The following RRAGC variants were observed in gnomAD, a reference collection of about 807,000 sequenced individuals.
RRAGC encodes ras-related GTP-binding protein C.
Under a neutral mutation model 37.1 loss-of-function variants are expected in RRAGC, and 8 were observed. The observed-to-expected ratio is 0.22, with a 90% CI of 0.13 to 0.39. The LOEUF (loss-of-function observed/expected upper bound fraction) is 0.39, where lower values mean the gene tolerates loss of function less well. Among genes scored for constraint, RRAGC ranks in the 10% least tolerant of loss-of-function variants. The pLI, the probability that RRAGC is intolerant of heterozygous loss-of-function variation, is 1.00. For missense variants in RRAGC, 342 were observed against 497.6 expected, an observed-to-expected ratio of 0.69 and a Z score of 2.98; for synonymous variants, 190 against 181.1, an observed-to-expected ratio of 1.05 and a Z score of -0.39.
chr1:38,845,911 T>C (rs775139722), intron 6 of RRAGC, 28 bp downstream of exon 6: 1 of 1,573,720 alleles, frequency 6.4e-7, no homozygotes, highest in Non-Finnish European at 8.6e-7. Context: ...GAAATTAACA[T>C]AAAAACAGCT....
intron 5 of RRAGC, among the ~76,000 whole-genome samples, chr1:38,850,907 C>T (rs1360802219): frequency 6.6e-6 from 1 of 152,024 alleles, no homozygotes; most frequent in Admixed American, 6.6e-5. Flanking sequence ...TGGCCCCAAG[C>T]GATCCTCTCA....
chr1:38,840,242 ACCTTGGCCAAATTAATACCT>A (rs1019966735), intron 6 of RRAGC, among the ~76,000 whole-genome samples: 16 of 152,132 alleles, frequency 1.1e-4, no homozygotes, highest in East Asian at 3.9e-4. Flanking sequence ...TTAGACCATC[ACCTTGGCCAAATTAATACCT>A]CTGGCATCCA....
chr1:38,858,424 C>G (rs1642193482), intron 1 of RRAGC, among the ~76,000 whole-genome samples: 1 of 152,110 alleles, frequency 6.6e-6, no homozygotes, highest in Admixed American at 6.5e-5. Context: ...TGTAGGCCAG[C>G]GTGGTGACTC....
At chr1:38,842,271 C>CA (rs1167835313) in intron 6 of RRAGC, among the ~76,000 whole-genome samples, 1 of 151,604 alleles carries the variant, frequency 6.6e-6, no homozygotes, top group Non-Finnish European at 1.5e-5. Context: ...GACTCTATCT[C>CA]AAAAAAATAA....
intron 3 of RRAGC, among the ~76,000 whole-genome samples, chr1:38,853,643 A>G (rs963216637): frequency 1.3e-5 from 2 of 151,844 alleles, no homozygotes; most frequent in Non-Finnish European, 2.9e-5. Flanking sequence ...GCTACTTGGG[A>G]GGCTCAGGCA....
chr1:38,856,155 A>AT (rs1331219852), intron 2 of RRAGC, among the ~76,000 whole-genome samples: 9 of 152,108 alleles, frequency 5.9e-5, no homozygotes, highest in African/African-American at 2.2e-4. Context: ...TGATATGAAC[A>AT]TTTTTTCCCA....
At chr1:38,856,442 C>T (rs1172842948) in intron 2 of RRAGC, among the ~76,000 whole-genome samples, 3 of 152,182 alleles carry the variant, frequency 2.0e-5, no homozygotes, top group African/African-American at 7.2e-5. Flanking sequence ...CTGACTGCCA[C>T]ATGCTAGGCC....
rs1276675875 is a variant in RRAGC, at chr1:38,859,619, T to C, written c.28A>G (p.Thr10Ala). 4.5e-6 allele frequency: 7 copies of C among 1,559,280 alleles called. No homozygotes were observed. The highest frequency in any genetic ancestry group is 2.4e-5 in the East Asian group (1 of 42,180). MSLQYGAEE[T>A]PLAGSYGAAD... ...GCGCCGTAACTGCCGGCGAGGGGCG[T>C]CTCCTCCGCCCCGTACTGCAGGGAC... Residue 10 changes from threonine to alanine, a missense_variant, in exon 1 of 7, where the codon ACG (threonine) becomes GCG (alanine). By Grantham distance (58) the Thr-to-Ala change is moderately conservative. Around this residue, in one of 3 missense-constraint regions of RRAGC, gnomAD observed 104 missense variants for 93.4 expected, o/e 1.11. Transcript: ENST00000373001.
At chr1:38,840,101 T>C (rs530860586) in intron 6 of RRAGC, among the ~76,000 whole-genome samples, 10 of 148,702 alleles carry the variant, frequency 6.7e-5, no homozygotes, top group South Asian at 2.1e-4. Context: ...TGAGCCAAGA[T>C]TGCACCATTG....
At chr1:38,850,099 G>A (rs369261927) in intron 5 of RRAGC, among the ~76,000 whole-genome samples, 51 of 151,894 alleles carry the variant, frequency 3.4e-4, no homozygotes, top group African/African-American at 3.9e-4. Context: ...CCAGCTACTC[G>A]GGAGGCTGAC....
intron 2 of RRAGC, among the ~76,000 whole-genome samples, chr1:38,856,471 A>C (rs1181713423): frequency 6.6e-6 from 1 of 152,202 alleles, no homozygotes; most frequent in African/African-American, 2.4e-5. Context: ...ATGTTTGTTG[A>C]GCTAAACTCA....
intron 1 of RRAGC, among the ~76,000 whole-genome samples, chr1:38,858,724 G>C (rs998246345): frequency 6.6e-6 from 1 of 152,150 alleles, no homozygotes; most frequent in Admixed American, 6.6e-5. Flanking sequence ...AAACAAACGT[G>C]TACAGCCCTC....
chr1:38,844,446 AG>A (rs1352009583), intron 6 of RRAGC, among the ~76,000 whole-genome samples: 1 of 143,686 alleles, frequency 7.0e-6, no homozygotes, highest in Non-Finnish European at 1.5e-5. Flanking sequence ...AACAGGACTG[AG>A]GAAAAAAAAA....
chr1:38,840,496 A>C (rs1641950570), intron 6 of RRAGC, among the ~76,000 whole-genome samples: 1 of 152,256 alleles, frequency 6.6e-6, no homozygotes, highest in East Asian at 1.9e-4. Context: ...TAAAGCCAAA[A>C]TACAAGAAAC....
At chr1:38,850,457 T>G (rs565030141) in intron 5 of RRAGC, among the ~76,000 whole-genome samples, 2 of 151,886 alleles carry the variant, frequency 1.3e-5, no homozygotes, top group East Asian at 3.9e-4. Flanking sequence ...GAGCTTGCAG[T>G]GAGCCAAGAT....
intron 3 of RRAGC, among the ~76,000 whole-genome samples, chr1:38,853,961 C>T (rs1316507015): frequency 6.6e-6 from 1 of 151,426 alleles, no homozygotes; most frequent in Non-Finnish European, 1.5e-5. Flanking sequence ...TAAATGGGGA[C>T]AGGGAGAACC....
At chr1:38,849,049 A>T (rs1029621819) in intron 5 of RRAGC, among the ~76,000 whole-genome samples, 11 of 151,690 alleles carry the variant, frequency 7.3e-5, no homozygotes, top group African/African-American at 2.4e-4. Flanking sequence ...AGAGGCTGCA[A>T]TGAGCTGTCA....
At chr1:38,854,065 CTTTT>C (rs58058501) in intron 3 of RRAGC, among the ~76,000 whole-genome samples, 11 of 74,812 alleles carry the variant, frequency 1.5e-4, no homozygotes, top group Admixed American at 3.0e-4. Flanking sequence ...AAATAAAAGT[CTTTT>C]TTTTTTTTTT....
intron 6 of RRAGC, among the ~76,000 whole-genome samples, chr1:38,841,563 C>T (rs560088628): frequency 6.6e-6 from 1 of 151,860 alleles, no homozygotes; most frequent in African/African-American, 2.4e-5. Context: ...CAGTGTCTTG[C>T]TATCTTGCCC....
Sources: gnomAD v4.1 joint callset for allele counts (sites outside exome capture counted in the v4.1 genomes callset) on GRCh38, gnomAD v4.1.1 for gene constraint, gnomAD v4.1.1 regional missense constraint, MANE v1.5 for transcripts, NCBI Gene and HGNC (gene_info 2026-07-23, HGNC 2026-07-21) for gene names.